GALNT5: variants seen among roughly 807,000 people sequenced by gnomAD.
GALNT5 encodes UDP-GalNAc:polypeptide N-acetylgalactosaminyltransferase 5.
Under a neutral mutation model 85.4 loss-of-function variants are expected in GALNT5, and 72 were observed. The ratio of observed to expected loss-of-function variants is 0.84; its 90% CI spans 0.70 to 1.03. The LOEUF (loss-of-function observed/expected upper bound fraction) is 1.03. GALNT5 is among the 50% of genes least tolerant of loss of function. The pLI, the probability that GALNT5 is intolerant of heterozygous loss-of-function variation, is 0.00. For missense variants in GALNT5, 1,137 were observed against 1,135.5 expected, an observed-to-expected ratio of 1.00 and a Z score of -0.02; for synonymous variants, 404 against 397.0, an observed-to-expected ratio of 1.02 and a Z score of -0.21.
intron 3 of GALNT5, among the ~76,000 whole-genome samples, chr2:157,288,581 G>A (rs1244315076): frequency 6.6e-6 from 1 of 151,992 alleles, no homozygotes; most frequent in Admixed American, 6.5e-5. Flanking sequence ...ACCATGGGGA[G>A]AGTCATAAAA....
chr2:157,271,608 G>C (rs1482737002), intron 1 of GALNT5, among the ~76,000 whole-genome samples: 1 of 152,206 alleles, frequency 6.6e-6, no homozygotes, highest in Non-Finnish European at 1.5e-5. Context: ...TTATGGTCAG[G>C]AAGAGGGTGA....
intron 7 of GALNT5, 96 bp from the exon 8 acceptor site, chr2:157,305,650 CTTA>C (rs1206256651): frequency 1.4e-6 from 1 of 704,304 alleles, no homozygotes; most frequent in Admixed American, 2.2e-5. Flanking sequence ...AACTTTTAAC[CTTA>C]TTATAGTTTT....
At position 157,307,577 on chromosome 2, in the gene GALNT5, G is replaced by A. The variant is rs78047717; in HGVS notation, c.2521-990G>A. Among the ~76,000 whole-genome samples the A allele has an allele frequency of 4.2e-3, 637 of 152,226 alleles. 3 individuals carry two copies. The highest frequency in any genetic ancestry group is 5.2e-3 in the Non-Finnish European group (354 of 68,004). On this transcript the variant is annotated intron_variant, in intron 8 of 9. Coordinates refer to ENST00000259056, the MANE Select transcript of GALNT5 (RefSeq NM_014568.3). Reference sequence around the variant, plus strand: ...ACTGCAGATTCTGAATCAGTAGGTCGGTGATGTGGCTGAGACTCCGCACTT... The same window carrying A: ...ACTGCAGATTCTGAATCAGTAGGTCAGTGATGTGGCTGAGACTCCGCACTT...
At chr2:157,307,795 A>G (rs1366544328) in intron 8 of GALNT5, among the ~76,000 whole-genome samples, 2 of 152,234 alleles carry the variant, frequency 1.3e-5, no homozygotes, top group African/African-American at 4.8e-5. Flanking sequence ...TTATATTAGT[A>G]CAAAACGATA....
chr2:157,261,923 A>G (rs1001508921), intron 1 of GALNT5, among the ~76,000 whole-genome samples: 1 of 152,152 alleles, frequency 6.6e-6, no homozygotes, highest in Non-Finnish European at 1.5e-5. Context: ...TTTTAAGATA[A>G]TAAGTTTTCG....
intron 3 of GALNT5, among the ~76,000 whole-genome samples, chr2:157,288,187 A>G (rs1411705606): frequency 2.6e-5 from 4 of 152,210 alleles, no homozygotes; most frequent in Admixed American, 2.0e-4. Flanking sequence ...TAATTTTCTC[A>G]TAACTGGACC....
At chr2:157,276,488 G>A (rs1420375721) in intron 1 of GALNT5, among the ~76,000 whole-genome samples, 1 of 152,112 alleles carries the variant, frequency 6.6e-6, no homozygotes, top group Non-Finnish European at 1.5e-5. Context: ...ATTAATTATT[G>A]CCTCAATTTC....
intron 1 of GALNT5, among the ~76,000 whole-genome samples, chr2:157,275,811 CTTTA>C (rs1355001272): frequency 6.6e-6 from 1 of 152,160 alleles, no homozygotes; most frequent in Non-Finnish European, 1.5e-5. Context: ...ATTGAATACC[CTTTA>C]TTTCTTTCTC....
At chr2:157,307,183 C>T (rs1359424432) in intron 8 of GALNT5, among the ~76,000 whole-genome samples, 2 of 152,122 alleles carry the variant, frequency 1.3e-5, no homozygotes, top group African/African-American at 4.8e-5. Context: ...CCCCAGCTCC[C>T]TTTTAGTCTT....
In GALNT5 at chr2:157,258,185, C is replaced by G; in HGVS notation, c.103C>G (p.Leu35Val). Residue 35 changes from leucine (L) to valine (V), a missense_variant, in exon 1 of 10, where the codon CTC (leucine) becomes GTC (valine). By Grantham distance (32) the Leu-to-Val change is conservative. Coordinates refer to ENST00000259056, the MANE Select transcript of GALNT5 (RefSeq NM_014568.3). ...CCTCTTTGACATGGCAGCTCTCCGC[C>G]TCTCATTCAGTGAGATCAACACTCG... The part of the protein sequence containing the change: ...WLLFDMAALR[L>V]SFSEINTRVI... 6.2e-7 allele frequency: 1 copy of G among 1,612,346 alleles called. No homozygotes were observed. The highest frequency in any genetic ancestry group is 8.5e-7 in the Non-Finnish European group (1 of 1,179,400).
chr2:157,307,103 C>T (rs1179093107), intron 8 of GALNT5, among the ~76,000 whole-genome samples: 1 of 151,826 alleles, frequency 6.6e-6, no homozygotes, highest in Admixed American at 6.6e-5. Context: ...TCTTGATGAC[C>T]ATTGAGTCTT....
At chr2:157,269,240 A>G (rs1682527840) in intron 1 of GALNT5, among the ~76,000 whole-genome samples, 1 of 152,186 alleles carries the variant, frequency 6.6e-6, no homozygotes, top group African/African-American at 2.4e-5. Context: ...CAAGCACACT[A>G]GTTTTGCTAG....
chr2:157,264,692 C>G (rs76229396), intron 1 of GALNT5, among the ~76,000 whole-genome samples: 5 of 151,738 alleles, frequency 3.3e-5, no homozygotes, highest in Admixed American at 2.6e-4. Flanking sequence ...CTTTCTGGAA[C>G]CTTAATTTTG....
chr2:157,308,505 T>C (rs1683499956), intron 8 of GALNT5, 62 bp from the exon 9 acceptor site: 2 of 1,302,052 alleles, frequency 1.5e-6, no homozygotes, highest in African/African-American at 3.0e-5. Flanking sequence ...ACAAAAATGT[T>C]TGACAAAGCC....
In GALNT5 at chr2:157,295,576, G is replaced by A. The variant is rs553537007; in HGVS notation, c.1742-87G>A. ...CACTGCATTTATAGCCACATTTCTG[G>A]AGCAATCATCAATACCTTTGAACAT... On this transcript the variant is annotated intron_variant, in intron 3 of 9. Coordinates refer to ENST00000259056, the MANE Select transcript of GALNT5 (RefSeq NM_014568.3). 43 of 1,001,764 alleles carry A rather than the reference G, an allele frequency of 4.3e-5. No individual in the cohort carries two copies. In the South Asian group the frequency reaches 6.9e-4, roughly 16 times the overall value. 62.1% of individuals were successfully genotyped at this position (1,001,764 alleles called of 1,614,324 possible).
At chr2:157,279,718 T>A (rs185969917) in intron 1 of GALNT5, among the ~76,000 whole-genome samples, 1 of 152,312 alleles carries the variant, frequency 6.6e-6, no homozygotes, top group East Asian at 1.9e-4. Context: ...TCAGGTGCAA[T>A]CTGTCACAGC....
intron 8 of GALNT5, among the ~76,000 whole-genome samples, chr2:157,308,080 A>AAGC (rs1198169392): frequency 7.9e-5 from 12 of 152,152 alleles, no homozygotes; most frequent in African/African-American, 2.9e-4. Context: ...TTATACAAGG[A>AAGC]AGCATAAAAT....
chr2:157,282,056 G>T (rs1208972799), intron 1 of GALNT5, among the ~76,000 whole-genome samples: 1 of 152,194 alleles, frequency 6.6e-6, no homozygotes, highest in African/African-American at 2.4e-5. Context: ...ATATTATTCA[G>T]AAGTGCTAAT....
chr2:157,300,678 G>A lies in GALNT5; in HGVS notation c.2118G>A (p.Val706=). 1 of 1,607,172 alleles carries A rather than the reference G, an allele frequency of 6.2e-7. No homozygotes were observed. The highest frequency in any genetic ancestry group is 1.7e-5 in the Admixed American group (1 of 59,984). Residue 706 remains valine, a splice_region_variant and synonymous_variant, in exon 7 of 10, where the codon GTG becomes GTA. Coordinates refer to ENST00000259056, the MANE Select transcript of GALNT5 (RefSeq NM_014568.3). ...GGENMELSFK[V]WMCGGEIEII... ...TGCTTATCATCAAATTCTTCCAGGT[G>A]TGGATGTGTGGTGGTGAAATTGAGA...
Sources: allele counts gnomAD v4.1 joint callset (sites outside exome capture counted in the v4.1 genomes callset), GRCh38; gene constraint gnomAD v4.1.1; transcripts MANE v1.5; gene names NCBI Gene and HGNC (gene_info 2026-07-23, HGNC 2026-07-21).